Variants in DDX10 observed in about 807,000 individuals in gnomAD.
DDX10 encodes probable ATP-dependent RNA helicase DDX10.
A neutral mutation model predicts 104.3 loss-of-function variants in DDX10; 74 were observed. The ratio of observed to expected loss-of-function variants is 0.71; its 90% CI spans 0.59 to 0.86. The LOEUF (loss-of-function observed/expected upper bound fraction) is 0.86, where lower values mean the gene tolerates loss of function less well. Ranked by LOEUF, DDX10 falls within the 40% of genes least tolerant of loss-of-function variation. DDX10 has a pLI of 0.00. For synonymous variants in DDX10, 351 were observed against 353.4 expected, an observed-to-expected ratio of 0.99 and a Z score of 0.08; for missense variants, 952 against 1,040.0, an observed-to-expected ratio of 0.92 and a Z score of 1.16.
At chr11:108,892,358 C>T (rs1863388186) in intron 16 of DDX10, among the ~76,000 whole-genome samples, 1 of 152,168 alleles carries the variant, frequency 6.6e-6, no homozygotes, top group Non-Finnish European at 1.5e-5. Flanking sequence ...CGGTCTGAGG[C>T]TCTCACCAGA....
At chr11:108,903,219 C>G (rs1331717817) in intron 16 of DDX10, among the ~76,000 whole-genome samples, 1 of 152,132 alleles carries the variant, frequency 6.6e-6, no homozygotes, top group Non-Finnish European at 1.5e-5. Flanking sequence ...CCATTTAATT[C>G]CCTTTCCCCC....
intron 16 of DDX10, among the ~76,000 whole-genome samples, chr11:108,863,896 C>T (rs981237838): frequency 1.3e-5 from 2 of 151,226 alleles, no homozygotes; most frequent in Non-Finnish European, 2.9e-5. Context: ...GTTCATTCAG[C>T]CTTTATCATT....
intron 13 of DDX10, among the ~76,000 whole-genome samples, chr11:108,774,483 A>G (rs1460166417): frequency 6.6e-6 from 1 of 152,192 alleles, no homozygotes; most frequent in Non-Finnish European, 1.5e-5. Flanking sequence ...GGTATACTCA[A>G]TACATTATTT....
chr11:108,873,950 T>G (rs1367904470), intron 16 of DDX10, among the ~76,000 whole-genome samples: 1 of 152,194 alleles, frequency 6.6e-6, no homozygotes, highest in Non-Finnish European at 1.5e-5. Flanking sequence ...ATTCAAATAA[T>G]TGCAAAGAGT....
At chr11:108,767,460 C>T (rs936574090) in intron 13 of DDX10, 1 of 152,126 alleles carries the variant, frequency 6.6e-6, no homozygotes, top group African/African-American at 2.4e-5. Flanking sequence ...GATTAGACTG[C>T]CTTCACTGAG....
At chr11:108,682,426 T>C (rs530191207) in intron 6 of DDX10, among the ~76,000 whole-genome samples, 1 of 152,342 alleles carries the variant, frequency 6.6e-6, no homozygotes, top group Admixed American at 6.5e-5. Flanking sequence ...TAGTTTGATA[T>C]TAGTCTACCT....
At chr11:108,899,247 C>T in intron 16 of DDX10, among the ~76,000 whole-genome samples, 1 of 151,776 alleles carries the variant, frequency 6.6e-6, no homozygotes, top group Admixed American at 6.6e-5. Flanking sequence ...TCCCCCCAAC[C>T]CCCCGTGTTA....
chr11:108,766,965 T>C (rs954978911), intron 13 of DDX10, among the ~76,000 whole-genome samples: 6 of 152,194 alleles, frequency 3.9e-5, no homozygotes, highest in African/African-American at 1.4e-4. Context: ...AGAACCCTTT[T>C]ATTACGTAAT....
chr11:108,796,041 A>G (rs1249368181), intron 13 of DDX10, among the ~76,000 whole-genome samples: 1 of 152,232 alleles, frequency 6.6e-6, no homozygotes. Flanking sequence ...TCAGCAGTTT[A>G]TACCTTTCAA....
At chr11:108,750,147 TAA>T (rs1218762094) in intron 13 of DDX10, among the ~76,000 whole-genome samples, 2 of 152,208 alleles carry the variant, frequency 1.3e-5, no homozygotes, top group Non-Finnish European at 2.9e-5. Context: ...GATTCTGTTA[TAA>T]AAGATTTCAT....
At chr11:108,672,948 T>G (rs1022849384) in intron 1 of DDX10, among the ~76,000 whole-genome samples, 1 of 152,260 alleles carries the variant, frequency 6.6e-6, no homozygotes, top group Admixed American at 6.5e-5. Flanking sequence ...TGAATAGTTA[T>G]CAGGTTGGAT....
rs568918140 is a variant in DDX10, at chr11:108,781,524, A to G, written c.1966-56922A>G. Among the ~76,000 whole-genome samples, 8 of 152,288 alleles carry G rather than the reference A, an allele frequency of 5.3e-5. No individual in the cohort carries two copies. In the East Asian group the frequency reaches 1.4e-3, roughly 26 times the overall value. ...AATAGTATTCATAATACTGAACTAT[A>G]TGGAGGGATTATCTCCATTCCTATC... On this transcript the variant is annotated intron_variant, in intron 13 of 17. Coordinates refer to ENST00000322536, the MANE Select transcript of DDX10 (RefSeq NM_004398.4).
intron 13 of DDX10, among the ~76,000 whole-genome samples, chr11:108,765,732 GAAAT>G (rs748751884): frequency 6.6e-6 from 1 of 152,150 alleles, no homozygotes; most frequent in Non-Finnish European, 1.5e-5. Context: ...TATCTGCATT[GAAAT>G]AAATGAGATT....
intron 13 of DDX10, among the ~76,000 whole-genome samples, chr11:108,755,547 A>T (rs538343342): frequency 6.6e-6 from 1 of 152,094 alleles, no homozygotes; most frequent in South Asian, 2.1e-4. Context: ...AAAGCCTAAA[A>T]TATTGAACTG....
chr11:108,706,859 T>TA, intron 10 of DDX10, 22 bp downstream of exon 10: 1 of 1,597,038 alleles, frequency 6.3e-7, no homozygotes. Context: ...TTGTTGTCTT[T>TA]ATGTTTTTAG....
chr11:108,921,290 A>C (rs1266542256), intron 17 of DDX10: 2 of 152,216 alleles, frequency 1.3e-5, no homozygotes, highest in East Asian at 3.8e-4. Context: ...GGAAGATTGT[A>C]TATACTAGAA....
At position 108,841,298 on chromosome 11, in the gene DDX10, C is replaced by T. The variant is rs761097254; in HGVS notation, c.2086-17C>T. 6.2e-7 allele frequency: 1 copy of T among 1,603,522 alleles called. No homozygotes were observed. Among genetic ancestry groups the T allele is most frequent in the Non-Finnish European group, 8.5e-7 (1 of 1,174,996 alleles). ...TTCCCTACTTCCTGTTGACACTGACCTTTTTTTTACCTGTAGTTGGTTCAG... is the reference window on the plus strand; with the variant it reads ...TTCCCTACTTCCTGTTGACACTGACTTTTTTTTTACCTGTAGTTGGTTCAG... On this transcript the variant is annotated splice_polypyrimidine_tract_variant and intron_variant, in intron 14 of 17. Transcript: ENST00000322536.
chr11:108,672,047 C>T (rs1263192219), intron 1 of DDX10, among the ~76,000 whole-genome samples: 12 of 119,824 alleles, frequency 1.0e-4, no homozygotes, highest in East Asian at 4.7e-4. Flanking sequence ...GGCGACACAG[C>T]GAGACTCCAT....
At chr11:108,801,288 T>C (rs564277438) in intron 13 of DDX10, among the ~76,000 whole-genome samples, 4 of 152,354 alleles carry the variant, frequency 2.6e-5, no homozygotes, top group African/African-American at 9.6e-5. Flanking sequence ...ACAGGTTTGA[T>C]ATTTTGTAAA....
Sources: allele counts gnomAD v4.1 joint callset (sites outside exome capture counted in the v4.1 genomes callset), GRCh38; gene constraint gnomAD v4.1.1; transcripts MANE v1.5; gene names NCBI Gene and HGNC (gene_info 2026-07-23, HGNC 2026-07-21).